The following DOCK1 variants were observed in gnomAD, a reference collection of about 807,000 sequenced individuals.
DOCK1 encodes the protein dedicator of cytokinesis protein 1.
DOCK1 carries 138 observed loss-of-function variants against 262.7 expected under a neutral mutation model. That is an observed-to-expected ratio of 0.53 (90% CI 0.46 to 0.61). The LOEUF is 0.61. Ranked by LOEUF, DOCK1 falls within the 20% of genes least tolerant of loss-of-function variation. The pLI, the probability that DOCK1 is intolerant of heterozygous loss-of-function variation, is 0.00. For missense variants in DOCK1, 1,908 were observed against 2,370.7 expected, an observed-to-expected ratio of 0.80 and a Z score of 4.05; for synonymous variants, 866 against 867.4, an observed-to-expected ratio of 1.00 and a Z score of 0.03.
chr10:126,999,498 TTCTG>T, intron 9 of DOCK1, 63 bp downstream of exon 9: 1 of 1,421,900 alleles, frequency 7.0e-7, no homozygotes, highest in Non-Finnish European at 9.9e-7. Context: ...TTTTAGCCAT[TTCTG>T]TCTGCCTTCC....
intron 21 of DOCK1, among the ~76,000 whole-genome samples, chr10:127,045,924 C>T (rs1243244356): frequency 6.6e-6 from 1 of 152,154 alleles, no homozygotes; most frequent in Non-Finnish European, 1.5e-5. Context: ...GATGGCCTGG[C>T]AGATTTATTT....
chr10:127,104,919 AC>A (rs371028376), intron 23 of DOCK1, among the ~76,000 whole-genome samples: 74 of 152,246 alleles, frequency 4.9e-4, no homozygotes, highest in African/African-American at 1.7e-3. Flanking sequence ...CTACTCAGCT[AC>A]CTTCTAATAG....
chr10:127,436,845 C>CT (rs143611931), intron 48 of DOCK1, among the ~76,000 whole-genome samples: 1,590 of 151,168 alleles, frequency 0.011, 25 homozygotes, highest in African/African-American at 0.037. Flanking sequence ...ATTGTCATGT[C>CT]TTTTTTTTTA....
intron 16 of DOCK1, among the ~76,000 whole-genome samples, chr10:127,029,573 G>T (rs963817348): frequency 6.6e-6 from 1 of 152,202 alleles, no homozygotes; most frequent in African/African-American, 2.4e-5. Context: ...TAGTGGGCTT[G>T]TTGGGTAGGG....
In DOCK1 at chr10:127,091,349, G is replaced by C. The variant is rs1227695048; in HGVS notation, c.2446-14882G>C. On this transcript the variant is annotated intron_variant, in intron 23 of 51. Transcript: ENST00000623213. ...TGAAACTGCTGGGTCTGTTTCTGTTGAGTTGACTGAAGAAAGGATATTCGT... is the reference window on the plus strand; with the variant it reads ...TGAAACTGCTGGGTCTGTTTCTGTTCAGTTGACTGAAGAAAGGATATTCGT... Among the ~76,000 whole-genome samples, 31 of 152,158 alleles carry C rather than the reference G, an allele frequency of 2.0e-4. 1 individual carries two copies.
At position 126,970,704 on chromosome 10, in the gene DOCK1, T is replaced by A. The variant is rs1317871657; in HGVS notation, c.49T>A (p.Phe17Ile). ...TKREEKYGVA[F>I]YNYDARGADE... ...TATTTCCCCTTTTTTCATCACAGCT[T>A]TTTATAACTATGATGCCAGAGGAGC... The change falls in exon 2 of 52, where the codon TTT becomes ATT. Residue 17 changes from phenylalanine (F) to isoleucine (I), a missense_variant and splice_region_variant. Transcript: ENST00000623213. 6.2e-7 allele frequency: 1 copy of A among 1,609,054 alleles called. No homozygotes were observed. The highest frequency in any genetic ancestry group is 8.5e-7 in the Non-Finnish European group (1 of 1,175,658).
chr10:126,917,116 C>T (rs891073996), intron 1 of DOCK1, among the ~76,000 whole-genome samples: 1 of 152,174 alleles, frequency 6.6e-6, no homozygotes, highest in African/African-American at 2.4e-5. Flanking sequence ...CTTGTGGCTC[C>T]TGTGCCAGAC....
At chr10:127,036,781 C>T (rs147020109) in intron 18 of DOCK1, among the ~76,000 whole-genome samples, 9,974 of 151,690 alleles carry the variant, frequency 0.066, 418 homozygotes, top group East Asian at 0.13. Flanking sequence ...CGAGATCAGC[C>T]TGGCCAACAT....
intron 11 of DOCK1, among the ~76,000 whole-genome samples, chr10:127,009,284 G>A (rs1243094629): frequency 6.6e-6 from 1 of 152,122 alleles, no homozygotes; most frequent in African/African-American, 2.4e-5. Context: ...TGCTTAGAGT[G>A]GAGCCTATCT....
At chr10:127,396,369 C>T (rs2066845762) in intron 38 of DOCK1, among the ~76,000 whole-genome samples, 4 of 152,210 alleles carry the variant, frequency 2.6e-5, no homozygotes, top group South Asian at 2.1e-4. Flanking sequence ...CTTTGCAGCA[C>T]CCATGTGTTG....
At chr10:127,377,825 G>A (rs2065591125) in intron 35 of DOCK1, among the ~76,000 whole-genome samples, 1 of 149,586 alleles carries the variant, frequency 6.7e-6, no homozygotes, top group Non-Finnish European at 1.5e-5. Context: ...TCGGGAGGCG[G>A]AGGTTGCAGT....
intron 48 of DOCK1, among the ~76,000 whole-genome samples, chr10:127,438,251 TG>T (rs755965546): frequency 6.6e-6 from 1 of 152,220 alleles, no homozygotes; most frequent in African/African-American, 2.4e-5. Context: ...CACAATCATG[TG>T]TGGATATGCT....
intron 25 of DOCK1, among the ~76,000 whole-genome samples, chr10:127,123,956 G>A (rs1474232846): frequency 6.6e-6 from 1 of 152,174 alleles, no homozygotes; most frequent in Non-Finnish European, 1.5e-5. Context: ...TATATTAATT[G>A]GACAAAACTT....
intron 15 of DOCK1, chr10:127,025,145 T>A (rs887974531): frequency 2.4e-5 from 4 of 166,090 alleles, no homozygotes; most frequent in South Asian, 3.6e-4. Context: ...TGGGATCCTG[T>A]TCTGTAGCTC....
chr10:127,213,540 C>G (rs1320291575), intron 27 of DOCK1, among the ~76,000 whole-genome samples: 1 of 152,070 alleles, frequency 6.6e-6, no homozygotes, highest in African/African-American at 2.4e-5. Flanking sequence ...TGGGTAACAC[C>G]AAGATGAACA....
chr10:127,122,176 G>A (rs1228989243), intron 25 of DOCK1, among the ~76,000 whole-genome samples: 2 of 152,128 alleles, frequency 1.3e-5, no homozygotes, highest in African/African-American at 4.8e-5. Context: ...TTCAGCTTCG[G>A]TCCTCCCACC....
At position 127,025,745 on chromosome 10, in the gene DOCK1, C is replaced by T. The variant is rs376612907; in HGVS notation, c.1552-607C>T. ...GATTACAGGCATGAGCCACCATGCC[C>T]GGCCCAAAAACAGCAACGTTTAAAA... On this transcript the variant is annotated intron_variant, in intron 15 of 51. Coordinates refer to ENST00000623213, the MANE Select transcript of DOCK1 (RefSeq NM_001290223.2). Among the ~76,000 whole-genome samples the T allele has an allele frequency of 1.4e-4, 21 of 152,148 alleles. No homozygotes were observed. In the South Asian group the frequency reaches 3.7e-3, roughly 27 times the overall value.
intron 5 of DOCK1, chr10:126,988,322 TACC>T (rs1460837931): frequency 6.6e-6 from 1 of 152,238 alleles, no homozygotes; most frequent in East Asian, 1.9e-4. Flanking sequence ...CTAATGTTAT[TACC>T]ACCAAGCCAG....
chr10:127,286,157 A>G (rs1216168005), intron 29 of DOCK1, among the ~76,000 whole-genome samples: 1 of 152,084 alleles, frequency 6.6e-6, no homozygotes, highest in Non-Finnish European at 1.5e-5. Flanking sequence ...AATGATGCAT[A>G]TCTTACTTTC....
Sources: gnomAD v4.1 joint callset for allele counts (sites outside exome capture counted in the v4.1 genomes callset) on GRCh38, gnomAD v4.1.1 for gene constraint, MANE v1.5 for transcripts, NCBI Gene and HGNC (gene_info 2026-07-23, HGNC 2026-07-21) for gene names.